SCFD1: variants seen among roughly 807,000 people sequenced by gnomAD.
SCFD1 encodes the protein sec1 family domain containing 1, also known as sec1 family domain-containing protein 1.
SCFD1 carries 37 observed loss-of-function variants against 103.2 expected under a neutral mutation model. The observed-to-expected ratio is 0.36, with a 90% CI of 0.28 to 0.47. The LOEUF (loss-of-function observed/expected upper bound fraction) is 0.47, where lower values mean the gene tolerates loss of function less well. SCFD1 is among the 20% of genes least tolerant of loss of function. The probability of loss-of-function intolerance (pLI) is 1.00; values close to 1 mark genes in which losing one functional copy is unlikely to be tolerated. For missense variants in SCFD1, 639 were observed against 761.2 expected, an observed-to-expected ratio of 0.84 and a Z score of 1.89; for synonymous variants, 264 against 245.0, an observed-to-expected ratio of 1.08 and a Z score of -0.73.
rs771031913 is a variant in SCFD1, at chr14:30,638,095, A to G, written c.313-30A>G. ...ATGTATTCATGGTCTTCTTTATCCT[A>G]TAAGAATAAAGTTTTCATTGTATTG... On this transcript the variant is annotated intron_variant, in intron 4 of 24. Transcript: ENST00000458591. 50 of 1,554,248 alleles carry G rather than the reference A, an allele frequency of 3.2e-5. No homozygotes were observed. The Middle Eastern group carries it at 1.4e-3, about 43-fold the overall frequency.
rs954005698 is a variant in SCFD1, at chr14:30,719,224, C to T, written c.1684-101C>T. 6 of 748,344 alleles carry T rather than the reference C, an allele frequency of 8.0e-6. No individual in the cohort carries two copies. In the East Asian group the frequency reaches 9.9e-5, roughly 12 times the overall value. The allele number at this position is 748,344 out of a possible 1,614,324, so 46.4% of individuals were successfully genotyped here. A position where few individuals can be genotyped will look rare whatever the true frequency, so the allele number is the denominator to read the frequency against. ...GTATTAGGGATGGTTGTTATACATT[C>T]TACAAAATTGATAGATTCATTAAAA... On this transcript the variant is annotated intron_variant, in intron 20 of 24. Transcript: ENST00000458591.
At chr14:30,711,068 G>A in intron 19 of SCFD1, among the ~76,000 whole-genome samples, 1 of 152,140 alleles carries the variant, frequency 6.6e-6, no homozygotes, top group Non-Finnish European at 1.5e-5. Context: ...CACAGATTTG[G>A]AATCTATTTG....
At chr14:30,681,814 A>G (rs1323581029) in intron 14 of SCFD1, among the ~76,000 whole-genome samples, 4 of 152,164 alleles carry the variant, frequency 2.6e-5, no homozygotes, top group African/African-American at 9.6e-5. Context: ...ATGAGGTAGT[A>G]ATTAATATCA....
intron 9 of SCFD1, among the ~76,000 whole-genome samples, chr14:30,652,939 G>T (rs1239530950): frequency 6.6e-6 from 1 of 152,046 alleles, no homozygotes; most frequent in Non-Finnish European, 1.5e-5. Flanking sequence ...AGCCTGGGAA[G>T]TCAAGGCTGC....
chr14:30,682,540 T>C (rs1889571291), intron 14 of SCFD1, among the ~76,000 whole-genome samples: 1 of 152,234 alleles, frequency 6.6e-6, no homozygotes, highest in Non-Finnish European at 1.5e-5. Flanking sequence ...ACCAGCTATT[T>C]TGTTATATTA....
In SCFD1 at chr14:30,715,978, G is replaced by C; in HGVS notation, c.1683+1G>C. 1.3e-6 allele frequency: 2 copies of C among 1,516,324 alleles called. No individual in the cohort carries two copies. The highest frequency in any genetic ancestry group is 2.3e-5 in the East Asian group (1 of 43,612). 93.9% of individuals were successfully genotyped at this position (1,516,324 alleles called of 1,614,324 possible). A position where few individuals can be genotyped will look rare whatever the true frequency, so the allele number is the denominator to read the frequency against. On this transcript the variant is annotated splice_donor_variant, in intron 20 of 24. Transcript: ENST00000458591. LOFTEE classifies it high-confidence loss of function. ...TCTTATGGAGATGAAGTCAAACCCC[G>C]TGAGTACCATATAACATATTTTGTG... is the stretch of plus-strand genomic sequence containing the variant.
chr14:30,652,369 T>A (rs1328536826), intron 9 of SCFD1: 1 of 152,194 alleles, frequency 6.6e-6, no homozygotes, highest in Admixed American at 6.5e-5. Flanking sequence ...CAACAGTACA[T>A]GAGGTATCAT....
At chr14:30,667,106 C>T (rs954045933) in intron 10 of SCFD1, among the ~76,000 whole-genome samples, 3 of 151,900 alleles carry the variant, frequency 2.0e-5, no homozygotes, top group Non-Finnish European at 4.4e-5. Context: ...CAACAAAAAA[C>T]GAGAATTTTA....
intron 19 of SCFD1, 59 bp downstream of exon 19, chr14:30,708,124 A>G (rs1891601634): frequency 9.2e-7 from 1 of 1,084,262 alleles, no homozygotes; most frequent in East Asian, 2.4e-5. Flanking sequence ...TTGACAGGCT[A>G]ACTGCTCAGG....
chr14:30,684,286 C>G (rs751165482), intron 14 of SCFD1, among the ~76,000 whole-genome samples: 3 of 152,202 alleles, frequency 2.0e-5, no homozygotes, highest in Admixed American at 1.3e-4. Flanking sequence ...GCTGGGATTA[C>G]AGGTGCATGC....
intron 5 of SCFD1, 81 bp from the exon 6 acceptor site, chr14:30,639,696 G>A (rs916222932): frequency 4.1e-5 from 55 of 1,349,236 alleles, no homozygotes; most frequent in South Asian, 1.7e-4. Context: ...TTCTACCATT[G>A]GTAGGTTAGA....
intron 23 of SCFD1, among the ~76,000 whole-genome samples, chr14:30,729,626 T>C (rs908276033): frequency 7.2e-5 from 11 of 152,230 alleles, no homozygotes; most frequent in African/African-American, 2.7e-4. Flanking sequence ...TCAGGACACA[T>C]GTGAGTCCTA....
chr14:30,695,250 C>CTAAAACTAAAT (rs1890612733), intron 15 of SCFD1, among the ~76,000 whole-genome samples: 2 of 152,280 alleles, frequency 1.3e-5, no homozygotes, highest in Non-Finnish European at 2.9e-5. Flanking sequence ...AAAGATGTAT[C>CTAAAACTAAAT]TAAAACTAAA....
chr14:30,719,670 G>A (rs890282411), intron 21 of SCFD1, among the ~76,000 whole-genome samples: 2 of 151,914 alleles, frequency 1.3e-5, no homozygotes, highest in Admixed American at 6.6e-5. Context: ...TTTCGATAAC[G>A]TGTTTTTAAA....
chr14:30,709,285 A>G (rs138448704), intron 19 of SCFD1, among the ~76,000 whole-genome samples: 116 of 152,114 alleles, frequency 7.6e-4, no homozygotes, highest in African/African-American at 2.6e-3. Context: ...TTGTGGTTTA[A>G]TAAGTTATTT....
chr14:30,640,278 A>C (rs1314024471), intron 6 of SCFD1, among the ~76,000 whole-genome samples: 1 of 152,168 alleles, frequency 6.6e-6, no homozygotes, highest in Admixed American at 6.5e-5. Flanking sequence ...GAAGAGAATG[A>C]ATCTTTTGGT....
chr14:30,635,460 T>G (rs770909454), intron 4 of SCFD1, among the ~76,000 whole-genome samples: 2 of 152,098 alleles, frequency 1.3e-5, no homozygotes, highest in African/African-American at 2.4e-5. Context: ...TACCTTCTGT[T>G]TCTGTATATT....
At chr14:30,693,290 A>G (rs1890449614) in intron 14 of SCFD1, among the ~76,000 whole-genome samples, 1 of 152,072 alleles carries the variant, frequency 6.6e-6, no homozygotes, top group Admixed American at 6.5e-5. Context: ...AAGAAACTCT[A>G]AAAAAAACTA....
At chr14:30,662,506 T>A (rs1422615157) in intron 10 of SCFD1, among the ~76,000 whole-genome samples, 1 of 141,640 alleles carries the variant, frequency 7.1e-6, no homozygotes, top group East Asian at 1.9e-4. Context: ...TTTATTTCTC[T>A]TGTTGGTTAA....
Sources: gnomAD v4.1 joint callset for allele counts (sites outside exome capture counted in the v4.1 genomes callset) on GRCh38, gnomAD v4.1.1 for gene constraint, MANE v1.5 for transcripts, NCBI Gene and HGNC (gene_info 2026-07-23, HGNC 2026-07-21) for gene names.